The following ENPP2 variants were observed in gnomAD, a reference collection of about 807,000 sequenced individuals.
ENPP2 encodes the protein ectonucleotide pyrophosphatase/phosphodiesterase 2, also known as autotaxin.
Under a neutral mutation model 120.2 loss-of-function variants are expected in ENPP2, and 51 were observed. The observed-to-expected ratio is 0.42, with a 90% CI of 0.34 to 0.54. The LOEUF (loss-of-function observed/expected upper bound fraction) is 0.54, where lower values mean the gene tolerates loss of function less well. Ranked by LOEUF, ENPP2 falls within the 20% of genes least tolerant of loss-of-function variation. ENPP2 has a pLI of 0.04. For missense variants in ENPP2, 920 were observed against 1,066.5 expected, an observed-to-expected ratio of 0.86 and a Z score of 1.91; for synonymous variants, 365 against 366.4, an observed-to-expected ratio of 1.00 and a Z score of 0.04.
At chr8:119,561,000 C>G (rs754801674) in intron 24 of ENPP2, among the ~76,000 whole-genome samples, 29 of 152,160 alleles carry the variant, frequency 1.9e-4, no homozygotes, top group Non-Finnish European at 2.1e-4. Context: ...GTAACAACTA[C>G]TACTACTGCT....
rs1271238636 is a variant in ENPP2 at position 119,586,261 on chromosome 8, T to C, written c.1292A>G (p.Lys431Arg). ...TCTGTTGTTGGCATAGTGCAAACGTTTGGGAAGGTGCTGTTTCAAGTAAGG... is the reference window on the plus strand; with the variant it reads ...TCTGTTGTTGGCATAGTGCAAACGTCTGGGAAGGTGCTGTTTCAAGTAAGG... Reference protein sequence around the residue: ...FKPYLKQHLPKRLHYANNRRI... With the variant: ...FKPYLKQHLPRRLHYANNRRI... Residue 431 changes from lysine to arginine, a missense_variant, in exon 15 of 25, where the codon AAA (lysine) becomes AGA (arginine). Physicochemically the swap from Lys to Arg is conservative, Grantham distance 26. Transcript: ENST00000075322. 1 of 1,613,610 alleles carries C rather than the reference T, an allele frequency of 6.2e-7. No homozygotes were observed. Among genetic ancestry groups the C allele is most frequent in the Non-Finnish European group, 8.5e-7 (1 of 1,179,684 alleles).
intron 8 of ENPP2, among the ~76,000 whole-genome samples, chr8:119,615,742 G>A (rs1056222671): frequency 9.9e-5 from 15 of 151,944 alleles, no homozygotes; most frequent in Non-Finnish European, 2.1e-4. Flanking sequence ...TATAGCATCA[G>A]GGCTAGCATA....
At chr8:119,561,453 C>T (rs1165326840) in intron 24 of ENPP2, among the ~76,000 whole-genome samples, 1 of 152,206 alleles carries the variant, frequency 6.6e-6, no homozygotes, top group Non-Finnish European at 1.5e-5. Flanking sequence ...GATTACATCT[C>T]TACTCCTTCT....
chr8:119,586,238 T>C lies in ENPP2; in HGVS notation c.1315A>G (p.Arg439Gly). The part of the protein sequence containing the change: ...LPKRLHYANN[R>G]RIEDIHLLVE... ...AATAAATGGATATCCTCAATTCTTC[T>C]GTTGTTGGCATAGTGCAAACGTTTG... Residue 439 changes from arginine (R) to glycine (G), a missense_variant, in exon 15 of 25, where the codon AGA (arginine) becomes GGA (glycine). Physicochemically the swap from Arg to Gly is moderately radical, Grantham distance 125. Transcript: ENST00000075322. 1 of 1,614,104 alleles carries C rather than the reference T, an allele frequency of 6.2e-7. No individual in the cohort carries two copies. The highest frequency in any genetic ancestry group is 1.1e-5 in the South Asian group (1 of 91,078).
At chr8:119,659,334 A>ACAAAAAAAAAAAC (rs766625649) in intron 1 of ENPP2, among the ~76,000 whole-genome samples, 3 of 130,740 alleles carry the variant, frequency 2.3e-5, no homozygotes, top group African/African-American at 5.4e-5. Context: ...AAAAAAAAAA[A>ACAAAAAAAAAAAC]AAACCAGAGT....
chr8:119,563,633 T>A (rs989850227), intron 23 of ENPP2, among the ~76,000 whole-genome samples: 8 of 152,178 alleles, frequency 5.3e-5, no homozygotes, highest in African/African-American at 1.9e-4. Flanking sequence ...AAAAATATTT[T>A]CCTGTAGAGA....
At chr8:119,661,731 C>A (rs1817926264) in intron 1 of ENPP2, among the ~76,000 whole-genome samples, 3 of 152,128 alleles carry the variant, frequency 2.0e-5, no homozygotes, top group African/African-American at 4.8e-5. Flanking sequence ...ATGTTTATTG[C>A]AGCATTATTC....
chr8:119,598,953 C>T (rs1329299315), intron 11 of ENPP2, among the ~76,000 whole-genome samples: 1 of 152,152 alleles, frequency 6.6e-6, no homozygotes, highest in African/African-American at 2.4e-5. Context: ...TGAGGGGATG[C>T]TATTACCCAA....
intron 23 of ENPP2, 124 bp downstream of exon 23, chr8:119,564,699 T>C (rs533165069): frequency 2.4e-6 from 1 of 423,488 alleles, no homozygotes; most frequent in Non-Finnish European, 3.9e-6. Context: ...TATATATATA[T>C]ATTGAAAAAT....
At chr8:119,607,543 C>A (rs539344221) in intron 9 of ENPP2, among the ~76,000 whole-genome samples, 2 of 151,968 alleles carry the variant, frequency 1.3e-5, no homozygotes, top group Admixed American at 1.3e-4. Context: ...GGAGTGGTAG[C>A]AGGTGCCTGT....
intron 2 of ENPP2, among the ~76,000 whole-genome samples, chr8:119,635,876 C>G (rs1298657032): frequency 6.6e-6 from 1 of 152,140 alleles, no homozygotes; most frequent in East Asian, 1.9e-4. Flanking sequence ...GAAACTAACA[C>G]CCCAGTCCAT....
At chr8:119,644,077 C>T (rs1384435439) in intron 1 of ENPP2, among the ~76,000 whole-genome samples, 1 of 152,050 alleles carries the variant, frequency 6.6e-6, no homozygotes, top group Non-Finnish European at 1.5e-5. Context: ...CATGTGGGGC[C>T]TCCGAGGTCA....
At chr8:119,606,363 C>T (rs574624760) in intron 9 of ENPP2, among the ~76,000 whole-genome samples, 102 of 152,198 alleles carry the variant, frequency 6.7e-4, no homozygotes, top group African/African-American at 2.3e-3. Flanking sequence ...TTCAATGAGG[C>T]TTTGCAGCAG....
chr8:119,655,989 G>A (rs536772283), intron 1 of ENPP2, among the ~76,000 whole-genome samples: 21 of 152,210 alleles, frequency 1.4e-4, no homozygotes, highest in Admixed American at 7.8e-4. Flanking sequence ...ATTCTCTTAC[G>A]GACAGTTTCT....
At chr8:119,673,345 G>A (rs919528180) in exon 1 of ENPP2, 1 of 1,526,166 alleles carries the variant, frequency 6.6e-7, no homozygotes, top group Admixed American at 2.0e-5. Context: ...CCGCGACCTG[G>A]GAGCTGTGCT....
intron 12 of ENPP2, among the ~76,000 whole-genome samples, chr8:119,592,590 A>G (rs1018518409): frequency 7.1e-6 from 1 of 140,926 alleles, no homozygotes; most frequent in South Asian, 2.4e-4. Flanking sequence ...TAACCTATCC[A>G]TGACCTTTAC....
intron 20 of ENPP2, 98 bp from the exon 21 acceptor site, chr8:119,569,468 G>A: frequency 9.0e-7 from 1 of 1,112,820 alleles, no homozygotes. Context: ...TATTCTGATT[G>A]ATAGTCTGAC....
At position 119,661,541 on chromosome 8, in the gene ENPP2, G is replaced by A. The variant is rs578034821; in HGVS notation, c.21+11711C>T. Among the ~76,000 whole-genome samples, 11 of 152,256 alleles carry A rather than the reference G, an allele frequency of 7.2e-5. No individual in the cohort carries two copies. In the South Asian group the frequency reaches 2.3e-3, roughly 32 times the overall value. ...CAACAAGTGTTGGCAAGGGTGTGGA[G>A]AAAAGGAAACCCTTGTGCACTCTTC... On this transcript the variant is annotated intron_variant, in intron 1 of 25. Coordinates refer to the ENPP2 transcript ENST00000427067.
At chr8:119,656,458 T>C (rs1442845359) in intron 1 of ENPP2, among the ~76,000 whole-genome samples, 5 of 152,272 alleles carry the variant, frequency 3.3e-5, no homozygotes, top group Non-Finnish European at 7.4e-5. Context: ...ACAACTACCA[T>C]GTACCAAGAG....
Sources: allele counts gnomAD v4.1 joint callset (sites outside exome capture counted in the v4.1 genomes callset), GRCh38; gene constraint gnomAD v4.1.1; transcripts MANE v1.5; gene names NCBI Gene and HGNC (gene_info 2026-07-23, HGNC 2026-07-21).